DCC: variants seen among roughly 807,000 people sequenced by gnomAD.
The protein encoded by DCC is DCC netrin 1 receptor, also known as netrin receptor DCC.
In DCC, 58 loss-of-function variants were observed where a neutral mutation model predicts 172.5. The ratio of observed to expected loss-of-function variants is 0.34; its 90% CI spans 0.27 to 0.42. The LOEUF (loss-of-function observed/expected upper bound fraction) is 0.42. Among genes scored for constraint, DCC ranks in the 10% least tolerant of loss-of-function variants. The pLI is 1.00. For synonymous variants in DCC, 709 were observed against 644.5 expected, an observed-to-expected ratio of 1.10 and a Z score of -1.52; for missense variants, 1,740 against 1,791.0, an observed-to-expected ratio of 0.97 and a Z score of 0.51.
intron 5 of DCC, among the ~76,000 whole-genome samples, chr18:52,987,435 A>T (rs1389116111): frequency 6.6e-6 from 1 of 152,170 alleles, no homozygotes; most frequent in East Asian, 1.9e-4. Context: ...ACAACGTAAG[A>T]CCATCCCCTT....
intron 2 of DCC, among the ~76,000 whole-genome samples, chr18:52,900,057 A>C (rs1260059468): frequency 2.0e-5 from 3 of 152,204 alleles, no homozygotes; most frequent in South Asian, 2.1e-4. Context: ...ACAGTTAATC[A>C]CAATTGAAGT....
At chr18:53,143,438 A>G (rs1470899459) in intron 7 of DCC, among the ~76,000 whole-genome samples, 1 of 152,068 alleles carries the variant, frequency 6.6e-6, no homozygotes, top group Non-Finnish European at 1.5e-5. Context: ...CCTATCCCTT[A>G]CCTCTACCCA....
chr18:53,111,910 A>G (rs1251847313), intron 7 of DCC, among the ~76,000 whole-genome samples: 1 of 151,678 alleles, frequency 6.6e-6, no homozygotes, highest in African/African-American at 2.4e-5. Context: ...TGAATGCTTC[A>G]TTGTCTCACT....
chr18:52,374,148 TC>T (rs1245880838), intron 1 of DCC, among the ~76,000 whole-genome samples: 1 of 152,036 alleles, frequency 6.6e-6, no homozygotes, highest in East Asian at 1.9e-4. Context: ...TGCCTCGGCC[TC>T]CCAAAGTGCT....
chr18:52,694,813 G>T (rs994922802), intron 1 of DCC, among the ~76,000 whole-genome samples: 3 of 152,080 alleles, frequency 2.0e-5, no homozygotes, highest in African/African-American at 7.2e-5. Context: ...AAATTTATCT[G>T]TAAAGTAAAG....
At chr18:52,840,054 C>T (rs1037588789) in intron 2 of DCC, among the ~76,000 whole-genome samples, 2 of 152,110 alleles carry the variant, frequency 1.3e-5, no homozygotes, top group African/African-American at 4.8e-5. Flanking sequence ...TCCAGTGGGC[C>T]CCAGTTACTT....
intron 2 of DCC, among the ~76,000 whole-genome samples, chr18:52,798,550 T>TAA (rs553222827): frequency 6.6e-6 from 1 of 152,010 alleles, no homozygotes; most frequent in Non-Finnish European, 1.5e-5. Context: ...TTTTCTTTGT[T>TAA]AAAAAATAAA....
At chr18:53,074,824 T>C (rs933464589) in intron 7 of DCC, among the ~76,000 whole-genome samples, 1 of 152,122 alleles carries the variant, frequency 6.6e-6, no homozygotes, top group Non-Finnish European at 1.5e-5. Flanking sequence ...GATTTAAAAA[T>C]GTATTGGAAT....
chr18:53,084,771 T>A (rs935182803), intron 7 of DCC, among the ~76,000 whole-genome samples: 3 of 152,130 alleles, frequency 2.0e-5, no homozygotes, highest in African/African-American at 7.2e-5. Context: ...ATAACAAACA[T>A]ATGTAATTTG....
At chr18:53,115,347 A>T (rs770537885) in intron 7 of DCC, among the ~76,000 whole-genome samples, 1 of 151,572 alleles carries the variant, frequency 6.6e-6, no homozygotes, top group African/African-American at 2.4e-5. Flanking sequence ...TTGAGTATCT[A>T]TGTCATCTTT....
chr18:52,647,646 A>G (rs2035043747), intron 1 of DCC, among the ~76,000 whole-genome samples: 1 of 152,198 alleles, frequency 6.6e-6, no homozygotes, highest in Non-Finnish European at 1.5e-5. Context: ...CTTTCTTCTG[A>G]CCCATACAAA....
intron 1 of DCC, among the ~76,000 whole-genome samples, chr18:52,664,741 GATTACAGGTGTGAGCCA>G (rs1451930253): frequency 6.6e-6 from 1 of 151,904 alleles, no homozygotes; most frequent in African/African-American, 2.4e-5. Flanking sequence ...AAAGTGCTGG[GATTACAGGTGTGAGCCA>G]CCGCGCCCGG....
chr18:53,307,062 C>T (rs908829235), intron 13 of DCC, among the ~76,000 whole-genome samples: 6 of 152,144 alleles, frequency 3.9e-5, no homozygotes, highest in African/African-American at 1.4e-4. Context: ...TCTTGTTCAG[C>T]CTACACTCAG....
At chr18:53,426,414 G>T (rs550191168) in intron 21 of DCC, among the ~76,000 whole-genome samples, 893 of 78,326 alleles carry the variant, frequency 0.011, 6 homozygotes, top group Non-Finnish European at 0.027. Context: ...ATATTTTTAT[G>T]ATATATATTT....
At chr18:53,065,609 G>T (rs1257870583) in intron 6 of DCC, among the ~76,000 whole-genome samples, 1 of 152,052 alleles carries the variant, frequency 6.6e-6, no homozygotes, top group Non-Finnish European at 1.5e-5. Flanking sequence ...TTGATTTCTT[G>T]TCCTTTAGAA....
chr18:53,356,703 G>A (rs149913484), intron 15 of DCC, among the ~76,000 whole-genome samples: 10 of 152,192 alleles, frequency 6.6e-5, no homozygotes, highest in African/African-American at 2.4e-4. Flanking sequence ...GCACTGATAA[G>A]TACTCAGATG....
chr18:53,085,691 A>C (rs1006387700), intron 7 of DCC, among the ~76,000 whole-genome samples: 1 of 151,988 alleles, frequency 6.6e-6, no homozygotes, highest in Non-Finnish European at 1.5e-5. Flanking sequence ...AGGAATATAA[A>C]GCTAACTTCT....
chr18:52,352,090 A>G (rs1984149782), intron 1 of DCC, among the ~76,000 whole-genome samples: 1 of 152,232 alleles, frequency 6.6e-6, no homozygotes, highest in Non-Finnish European at 1.5e-5. Flanking sequence ...TAAAATGGAC[A>G]CAAAATCAAC....
intron 1 of DCC, among the ~76,000 whole-genome samples, chr18:52,739,110 A>G (rs1451161184): frequency 2.6e-5 from 4 of 151,438 alleles, no homozygotes; most frequent in East Asian, 1.9e-4. Context: ...ACTACATTAC[A>G]ATGGCTGTGA....
Sources: allele counts gnomAD v4.1 joint callset (sites outside exome capture counted in the v4.1 genomes callset), GRCh38; gene constraint gnomAD v4.1.1; transcripts MANE v1.5; gene names NCBI Gene and HGNC (gene_info 2026-07-23, HGNC 2026-07-21).